Variants in PRLR observed in about 807,000 individuals in gnomAD.
PRLR encodes the protein prolactin receptor, also known as hPRL receptor.
PRLR carries 13 observed loss-of-function variants against 40.2 expected under a neutral mutation model. That is an observed-to-expected ratio of 0.32 (90% CI 0.21 to 0.51). The LOEUF (loss-of-function observed/expected upper bound fraction) is 0.51, where lower values mean the gene tolerates loss of function less well. Ranked by LOEUF, PRLR falls within the 20% of genes least tolerant of loss-of-function variation. The probability of loss-of-function intolerance (pLI) is 0.97; values close to 1 mark genes in which losing one functional copy is unlikely to be tolerated. For synonymous variants in PRLR, 269 were observed against 278.7 expected, an observed-to-expected ratio of 0.97 and a Z score of 0.35; for missense variants, 656 against 747.3, an observed-to-expected ratio of 0.88 and a Z score of 1.42.
chr5:35,086,697 G>C (rs537634989), intron 3 of PRLR, among the ~76,000 whole-genome samples: 21 of 152,098 alleles, frequency 1.4e-4, no homozygotes, highest in African/African-American at 4.8e-4. Context: ...AAGAGTGTGT[G>C]GTGGCCCTTT....
chr5:35,214,010 T>C (rs1167620134), intron 1 of PRLR, among the ~76,000 whole-genome samples: 2 of 152,212 alleles, frequency 1.3e-5, no homozygotes, highest in African/African-American at 4.8e-5. Flanking sequence ...CCTCAGCACA[T>C]TTCCAGCCTT....
Position 35,068,855 on chromosome 5 carries a change from C to A in PRLR, c.709G>T (p.Val237Leu). 8.7e-6 allele frequency: 14 copies of A among 1,612,422 alleles called. No homozygotes were observed. Among genetic ancestry groups the A allele is most frequent in the Non-Finnish European group, 1.2e-5 (14 of 1,178,608 alleles). The change falls in exon 8 of 10, where the codon GTG becomes TTG. Residue 237 changes from valine (V) to leucine (L), a missense_variant. Val to Leu is a conservative substitution (Grantham distance 32). Around this residue, in one of 3 missense-constraint regions of PRLR, gnomAD observed 469 missense variants for 491.5 expected, o/e 0.95. Transcript: ENST00000618457. The part of the protein sequence containing the change: ...PSDFTMNDTT[V>L]WISVAVLSAV... Reference sequence around the variant, plus strand: ...GAAAGGACAGCCACAGAGATCCACACGGTTGTATCATTCATGGTGAAGTCT... The same window carrying A: ...GAAAGGACAGCCACAGAGATCCACAAGGTTGTATCATTCATGGTGAAGTCT...
chr5:35,079,129 T>C (rs1422007136), intron 5 of PRLR, among the ~76,000 whole-genome samples: 1 of 152,138 alleles, frequency 6.6e-6, no homozygotes, highest in Non-Finnish European at 1.5e-5. Flanking sequence ...CAGGAAGCAT[T>C]CCCTTTGAAA....
chr5:35,126,508 T>C (rs1263922061), intron 1 of PRLR, among the ~76,000 whole-genome samples: 3 of 152,200 alleles, frequency 2.0e-5, no homozygotes, highest in African/African-American at 7.2e-5. Context: ...TTTTTTTCTT[T>C]GTGTTACTGT....
chr5:35,163,945 G>C (rs1774748044), intron 1 of PRLR, among the ~76,000 whole-genome samples: 1 of 152,212 alleles, frequency 6.6e-6, no homozygotes, highest in Non-Finnish European at 1.5e-5. Flanking sequence ...AAGGTACCAG[G>C]TTAAGGTAGA....
At chr5:35,224,426 C>A (rs576174162) in intron 1 of PRLR, among the ~76,000 whole-genome samples, 16 of 152,222 alleles carry the variant, frequency 1.1e-4, no homozygotes, top group Non-Finnish European at 1.8e-4. Flanking sequence ...AGAACTCAGT[C>A]TACCAGTGAC....
rs191919417 is a variant in PRLR, at chr5:35,218,459, T to C, written c.-106+11809A>G. Among the ~76,000 whole-genome samples the C allele has an allele frequency of 5.9e-5, 9 of 152,350 alleles. No individual in the cohort carries two copies. The South Asian group carries it at 8.3e-4, about 14-fold the overall frequency. ...GACAAATCATCACAATTACTGTCTTTATAGCCATTGCTGAATAGTTCACTT... is the reference window on the plus strand; with the variant it reads ...GACAAATCATCACAATTACTGTCTTCATAGCCATTGCTGAATAGTTCACTT... On this transcript the variant is annotated intron_variant, in intron 1 of 9. Coordinates refer to ENST00000618457, the MANE Select transcript of PRLR (RefSeq NM_000949.7).
intron 1 of PRLR, among the ~76,000 whole-genome samples, chr5:35,142,742 G>A (rs574418871): frequency 5.9e-5 from 9 of 152,298 alleles, no homozygotes; most frequent in African/African-American, 1.9e-4. Flanking sequence ...AGTATTAAGC[G>A]GCAGATCTAT....
At chr5:35,194,476 G>C (rs1775683390) in intron 1 of PRLR, among the ~76,000 whole-genome samples, 1 of 152,166 alleles carries the variant, frequency 6.6e-6, no homozygotes, top group African/African-American at 2.4e-5. Flanking sequence ...GTTCCTTGCA[G>C]TTTTCCCTTC....
At chr5:35,158,222 C>T (rs994041457) in intron 1 of PRLR, among the ~76,000 whole-genome samples, 51 of 152,152 alleles carry the variant, frequency 3.4e-4, no homozygotes, top group African/African-American at 1.1e-3. Context: ...TGAAATTGCT[C>T]GTATGCCTGC....
chr5:35,072,845 C>T, intron 5 of PRLR, 101 bp from the exon 6 acceptor site: 2 of 1,361,830 alleles, frequency 1.5e-6, no homozygotes, highest in Non-Finnish European at 2.0e-6. Context: ...TATCATCTCA[C>T]TCTTCCCACT....
chr5:35,132,571 A>AATTCAAAATAGGAAACACATTAGTCCT (rs1773722544), intron 1 of PRLR, among the ~76,000 whole-genome samples: 1 of 152,188 alleles, frequency 6.6e-6, no homozygotes, highest in Admixed American at 6.5e-5. Flanking sequence ...TATTTTTTGC[A>AATTCAAAATAGGAAACACATTAGTCCT]ATTCAAAATA....
Position 35,089,579 on chromosome 5 carries a change from T to C in PRLR, c.42A>G (p.Leu14=). The change falls in exon 3 of 10, where the codon CTA becomes CTG. Residue 14 remains leucine, a synonymous_variant. Coordinates refer to ENST00000618457, the MANE Select transcript of PRLR (RefSeq NM_000949.7). ...TCAGAAGGCAGGTGTTGAGAAAAAG[T>C]AGCAGAGTGAAAACGGTTGCAGATG... ...NVASATVFTL[L]LFLNTCLLNG... The C allele has an allele frequency of 6.2e-7, 1 of 1,613,760 alleles. No homozygotes were observed. The highest frequency in any genetic ancestry group is 8.5e-7 in the Non-Finnish European group (1 of 1,179,646).
chr5:35,138,134 T>C (rs555625748), intron 1 of PRLR, among the ~76,000 whole-genome samples: 1 of 152,332 alleles, frequency 6.6e-6, no homozygotes, highest in South Asian at 2.1e-4. Flanking sequence ...TTGAAAATGT[T>C]CGACAAAAAT....
intron 1 of PRLR, among the ~76,000 whole-genome samples, chr5:35,228,701 AG>A (rs1389546804): frequency 1.3e-5 from 2 of 152,192 alleles, no homozygotes; most frequent in African/African-American, 4.8e-5. Flanking sequence ...CCCTGGAGTC[AG>A]AGGCTGGTAG....
chr5:35,139,358 A>T (rs1773948266), intron 1 of PRLR, among the ~76,000 whole-genome samples: 1 of 151,820 alleles, frequency 6.6e-6, no homozygotes, highest in Non-Finnish European at 1.5e-5. Flanking sequence ...CTGGTCTCAA[A>T]CTCCTGACCT....
At chr5:35,113,451 AT>A (rs1772814995) in intron 2 of PRLR, among the ~76,000 whole-genome samples, 1 of 26,538 alleles carries the variant, frequency 3.8e-5, no homozygotes, top group Non-Finnish European at 9.6e-5. Flanking sequence ...CCACCCACCT[AT>A]CCATCCATCC....
intron 4 of PRLR, 26 bp from the exon 5 acceptor site, chr5:35,084,665 GA>G (rs1281769298): frequency 4.4e-6 from 7 of 1,590,364 alleles, no homozygotes; most frequent in Non-Finnish European, 6.0e-6. Context: ...TATTAGGAAT[GA>G]ATAAGAAAGT....
intron 1 of PRLR, among the ~76,000 whole-genome samples, chr5:35,228,688 G>T (rs1325117464): frequency 6.6e-6 from 1 of 152,164 alleles, no homozygotes; most frequent in Non-Finnish European, 1.5e-5. Flanking sequence ...GTGAGGAGGG[G>T]TCCCCTGGAG....
Sources: gnomAD v4.1 joint callset for allele counts (sites outside exome capture counted in the v4.1 genomes callset) on GRCh38, gnomAD v4.1.1 for gene constraint, gnomAD v4.1.1 regional missense constraint, MANE v1.5 for transcripts, NCBI Gene and HGNC (gene_info 2026-07-23, HGNC 2026-07-21) for gene names.